The following ATP1A1 variants were observed in gnomAD, a reference collection of about 807,000 sequenced individuals.
The protein encoded by ATP1A1 is sodium/potassium-transporting ATPase subunit alpha-1.
Under a neutral mutation model 114.8 loss-of-function variants are expected in ATP1A1, and 14 were observed. That is an observed-to-expected ratio of 0.12 (90% CI 0.08 to 0.19). ATP1A1 has a LOEUF of 0.19. Ranked by LOEUF, ATP1A1 falls within the 10% of genes least tolerant of loss-of-function variation. ATP1A1 has a pLI of 1.00. For missense variants in ATP1A1, 524 were observed against 1,290.7 expected, an observed-to-expected ratio of 0.41 and a Z score of 9.10; for synonymous variants, 471 against 466.3, an observed-to-expected ratio of 1.01 and a Z score of -0.13.
Position 116,399,636 on chromosome 1 carries a change from A to G in ATP1A1, c.2572+93A>G. On this transcript the variant is annotated intron_variant, in intron 18 of 22. Coordinates refer to ENST00000295598, the MANE Select transcript of ATP1A1 (RefSeq NM_000701.8). The surrounding 1 kb of genome is among the most constrained non-coding windows in gnomAD (Gnocchi z 5.0). ...GTTGAGGTTGATTTCAGAGACTGCA[A>G]ATCCAGGCGACTTTCAGGTCTAGGA... 6.5e-7 allele frequency: 1 copy of G among 1,542,770 alleles called. No individual in the cohort carries two copies. Among genetic ancestry groups the G allele is most frequent in the African/African-American group, 1.4e-5 (1 of 73,226 alleles).
intron 10 of ATP1A1, among the ~76,000 whole-genome samples, chr1:116,391,246 G>A (rs887728048): frequency 2.6e-5 from 4 of 152,240 alleles, no homozygotes; most frequent in Admixed American, 2.0e-4. Context: ...TGGACAGTGA[G>A]AGCTGAGGGC....
chr1:116,395,135 T>C lies in ATP1A1; in HGVS notation c.1686T>C (p.Asp562=). The C allele has an allele frequency of 6.2e-7, 1 of 1,614,056 alleles. No individual in the cohort carries two copies. The highest frequency in any genetic ancestry group is 8.5e-7 in the Non-Finnish European group (1 of 1,179,952). The change falls in exon 13 of 23, where the codon GAT becomes GAC. Residue 562 remains aspartate, a synonymous_variant. Coordinates refer to ENST00000295598, the MANE Select transcript of ATP1A1 (RefSeq NM_000701.8). This position sits in a 1 kb window ranked among gnomAD's most constrained non-coding sequence, Gnocchi z 6.4. ...GTTTCTGCCACCTCTTTCTGCCAGATGAACAGTTTCCTGAAGGGTTCCAGT... is the reference window on the plus strand; with the variant it reads ...GTTTCTGCCACCTCTTTCTGCCAGACGAACAGTTTCCTGAAGGGTTCCAGT... The part of the protein sequence containing the change: ...VLGFCHLFLP[D]EQFPEGFQFD...
In ATP1A1 at chr1:116,395,234, A is replaced by G. The variant is rs1186548777; in HGVS notation, c.1785A>G (p.Pro595=). The part of the protein sequence containing the change: ...FVGLISMIDP[P]RAAVPDAVGK... ...GGCTCATCTCCATGATTGACCCTCCACGGGCGGCCGTTCCTGATGCCGTGG... is the reference window on the plus strand; with the variant it reads ...GGCTCATCTCCATGATTGACCCTCCGCGGGCGGCCGTTCCTGATGCCGTGG... Residue 595 remains proline, a synonymous_variant, in exon 13 of 23, where the codon CCA becomes CCG. Transcript: ENST00000295598. The surrounding 1 kb of genome is among the most constrained non-coding windows in gnomAD (Gnocchi z 6.4). The G allele has an allele frequency of 6.2e-7, 1 of 1,614,174 alleles. No individual in the cohort carries two copies. The highest frequency in any genetic ancestry group is 1.6e-4 in the Middle Eastern group (1 of 6,062).
Position 116,395,900 on chromosome 1 carries a change from C to T in ATP1A1, c.1836+615C>T, listed in dbSNP as rs764294879. Among the ~76,000 whole-genome samples the T allele has an allele frequency of 2.6e-5, 4 of 152,106 alleles. No individual in the cohort carries two copies. The highest frequency in any genetic ancestry group is 2.1e-4 in the South Asian group (1 of 4,826). ...CCAAGTAGCTGGAATTACAGGCACC[C>T]GCTACCACGCCCAGCTAATTTTTGT... is the stretch of plus-strand genomic sequence containing the variant. On this transcript the variant is annotated intron_variant, in intron 13 of 22. Coordinates refer to ENST00000295598, the MANE Select transcript of ATP1A1 (RefSeq NM_000701.8). This position sits in a 1 kb window ranked among gnomAD's most constrained non-coding sequence, Gnocchi z 6.4.
At position 116,395,748 on chromosome 1, in the gene ATP1A1, GATTTT is replaced by G. The variant is rs994497882; in HGVS notation, c.1836+473_1836+477del. ...TTTGGTTTCTGTTTTTTACTCTCAG[GATTTT>G]ATTTTATTTATTTTTTGAGACAGAG... On this transcript the variant is annotated intron_variant, in intron 13 of 22. Transcript: ENST00000295598. This position sits in a 1 kb window ranked among gnomAD's most constrained non-coding sequence, Gnocchi z 6.4. Among the ~76,000 whole-genome samples the G allele has an allele frequency of 7.9e-5, 12 of 151,774 alleles. No homozygotes were observed. The highest frequency in any genetic ancestry group is 2.7e-4 in the African/African-American group (11 of 41,282).
At position 116,388,464 on chromosome 1, in the gene ATP1A1, C is replaced by G; in HGVS notation, c.502-174C>G. 1.0e-6 allele frequency: 1 copy of G among 1,004,056 alleles called. No homozygotes were observed. The highest frequency in any genetic ancestry group is 1.4e-6 in the Non-Finnish European group (1 of 699,338). The allele number at this position is 1,004,056 out of a possible 1,614,324, so 62.2% of individuals were successfully genotyped here. A position where few individuals can be genotyped will look rare whatever the true frequency, so the allele number is the denominator to read the frequency against. On this transcript the variant is annotated intron_variant, in intron 5 of 22. Transcript: ENST00000295598. This position sits in a 1 kb window ranked among gnomAD's most constrained non-coding sequence, Gnocchi z 5.6. ...TGAATACAGGCACACCATGTAACAGCAATATCTCTTAAACTGGCGAGCAAG... is the reference window on the plus strand; with the variant it reads ...TGAATACAGGCACACCATGTAACAGGAATATCTCTTAAACTGGCGAGCAAG...
At position 116,401,115 on chromosome 1, in the gene ATP1A1, T is replaced by C; in HGVS notation, c.2719-15T>C. The C allele has an allele frequency of 6.2e-7, 1 of 1,614,090 alleles. No homozygotes were observed. On this transcript the variant is annotated splice_polypyrimidine_tract_variant and intron_variant, in intron 19 of 22. Transcript: ENST00000295598. The surrounding 1 kb of genome is among the most constrained non-coding windows in gnomAD (Gnocchi z 4.7). The stretch of plus-strand genomic sequence containing the variant: ...GTGAAGAGCCAGAGCTCATCTTCTG[T>C]CTTCTGCATTTCAGACCTATGAGCA...
In ATP1A1 at chr1:116,385,172, AT is replaced by A; in HGVS notation, c.183+333del. The A allele has an allele frequency of 3.5e-6, 1 of 289,214 alleles. No homozygotes were observed. Among genetic ancestry groups the A allele is most frequent in the South Asian group, 3.6e-5 (1 of 27,834 alleles). 17.9% of individuals were successfully genotyped at this position (289,214 alleles called of 1,614,324 possible). On this transcript the variant is annotated intron_variant, in intron 3 of 22. Coordinates refer to ENST00000295598, the MANE Select transcript of ATP1A1 (RefSeq NM_000701.8). This position sits in a 1 kb window ranked among gnomAD's most constrained non-coding sequence, Gnocchi z 4.3. Reference sequence around the variant, plus strand: ...ATAAATTTTCCCTTTATTTTTCTACATTTGTTAAATAGAGTTGAATCTTTCA... The same window carrying A: ...ATAAATTTTCCCTTTATTTTTCTACATTGTTAAATAGAGTTGAATCTTTCA...
chr1:116,373,636 G>A, intron 1 of ATP1A1, 113 bp downstream of exon 1: 1 of 1,199,766 alleles, frequency 8.3e-7, no homozygotes, highest in Non-Finnish European at 1.1e-6. Flanking sequence ...AAGCGGCGCC[G>A]CGTGGAGTGG....
chr1:116,392,942 AC>A lies in ATP1A1; in HGVS notation c.1422del (p.Tyr474Ter). The A allele has an allele frequency of 6.2e-7, 1 of 1,614,158 alleles. No individual in the cohort carries two copies. The highest frequency in any genetic ancestry group is 8.5e-7 in the Non-Finnish European group (1 of 1,180,020). Reference sequence around the variant, plus strand: ...TCCGTGAAGGAGATGAGAGAAAGATACGCCAAAATCGTCGAGATACCCTTCA... The same window carrying A: ...TCCGTGAAGGAGATGAGAGAAAGATAGCCAAAATCGTCGAGATACCCTTCA... Reference protein sequence around the residue: ...CGSVKEMRERYAKIVEIPFNS... With the variant: ...CGSVKEMRERXAKIVEIPFNS... On this transcript the variant is annotated frameshift_variant, in exon 11 of 23. Coordinates refer to ENST00000295598, the MANE Select transcript of ATP1A1 (RefSeq NM_000701.8). LOFTEE classifies it high-confidence loss of function.
intron 1 of ATP1A1, chr1:116,373,856 AG>A: frequency 9.7e-7 from 1 of 1,030,394 alleles, no homozygotes; most frequent in Non-Finnish European, 1.1e-6. Context: ...GGCCGGGAGG[AG>A]GGGGCTTGCA....
At position 116,393,743 on chromosome 1, in the gene ATP1A1, AC is replaced by A. The variant is rs764564269; in HGVS notation, c.1660+21del. 1.9e-6 allele frequency: 3 copies of A among 1,606,508 alleles called. No individual in the cohort carries two copies. The highest frequency in any genetic ancestry group is 2.5e-6 in the Non-Finnish European group (3 of 1,176,536). ...TCCTAGGTATGCAGATAACCTGGTA[AC>A]AGAGTGCCTGGGCACGTTTTTATCC... On this transcript the variant is annotated intron_variant, in intron 12 of 22. Coordinates refer to ENST00000295598, the MANE Select transcript of ATP1A1 (RefSeq NM_000701.8). This position sits in a 1 kb window ranked among gnomAD's most constrained non-coding sequence, Gnocchi z 5.0.
intron 1 of ATP1A1, chr1:116,373,810 CG>C: frequency 2.0e-6 from 2 of 991,274 alleles, no homozygotes; most frequent in African/African-American, 2.7e-5. Flanking sequence ...CCGAGCGGGC[CG>C]GGGGCTCCGA....
At position 116,390,248 on chromosome 1, in the gene ATP1A1, G is replaced by GA; in HGVS notation, c.1064dup (p.Asn355LysfsTer22). ...CACTTACTGCCAAACGCATGGCAAG[G>GA]AAAAACTGCTTAGTGAAGAACTTAG... On this transcript the variant is annotated frameshift_variant, in exon 9 of 23. Transcript: ENST00000295598. LOFTEE classifies it high-confidence loss of function. The GA allele has an allele frequency of 6.2e-7, 1 of 1,614,126 alleles. No individual in the cohort carries two copies. Among genetic ancestry groups the GA allele is most frequent in the Non-Finnish European group, 8.5e-7 (1 of 1,180,042 alleles).
At chr1:116,396,495 C>A in intron 13 of ATP1A1, 103 bp from the exon 14 acceptor site, 1 of 1,423,566 alleles carries the variant, frequency 7.0e-7, no homozygotes, top group South Asian at 1.4e-5. Context: ...TTTTGATAGT[C>A]TAAGCCGAAT....
chr1:116,375,694 T>G (rs1477456346), intron 1 of ATP1A1, among the ~76,000 whole-genome samples: 1 of 152,224 alleles, frequency 6.6e-6, no homozygotes, highest in Non-Finnish European at 1.5e-5. Context: ...TGTGACTTAT[T>G]GTGAGCGTCC....
chr1:116,388,973 C>T lies in ATP1A1; in HGVS notation c.708C>T (p.Pro236=), dbSNP rs763273778. The T allele has an allele frequency of 1.2e-6, 2 of 1,614,180 alleles. No individual in the cohort carries two copies. The highest frequency in any genetic ancestry group is 8.5e-7 in the Non-Finnish European group (1 of 1,180,026). Residue 236 remains proline, a synonymous_variant, in exon 7 of 23, where the codon CCC becomes CCT. Coordinates refer to ENST00000295598, the MANE Select transcript of ATP1A1 (RefSeq NM_000701.8). The surrounding 1 kb of genome is among the most constrained non-coding windows in gnomAD (Gnocchi z 5.6). ...TRSPDFTNEN[P]LETRNIAFFS... is the part of the protein sequence containing the mutation. ...CTCCAGATTTCACAAATGAAAACCC[C>T]CTGGAGACGAGGAACATTGCCTTCT... is the stretch of plus-strand genomic sequence containing the variant.
chr1:116,388,036 A>C lies in ATP1A1; in HGVS notation c.388-95A>C, dbSNP rs893839703. The C allele has an allele frequency of 3.8e-6, 3 of 790,380 alleles. No homozygotes were observed. Among genetic ancestry groups the C allele is most frequent in the Non-Finnish European group, 6.3e-6 (3 of 479,438 alleles). The allele number at this position is 790,380 out of a possible 1,614,324, so 49.0% of individuals were successfully genotyped here. On this transcript the variant is annotated intron_variant, in intron 4 of 22. Transcript: ENST00000295598. The surrounding 1 kb of genome is among the most constrained non-coding windows in gnomAD (Gnocchi z 5.6). ...ATATTTCTGAAATCTTGGTTTCTCTATTAAAAATCTGTTTTTTATTCAGTC... is the reference window on the plus strand; with the variant it reads ...ATATTTCTGAAATCTTGGTTTCTCTCTTAAAAATCTGTTTTTTATTCAGTC...
At chr1:116,386,562 CTTG>C (rs917969191) in intron 3 of ATP1A1, among the ~76,000 whole-genome samples, 5 of 150,912 alleles carry the variant, frequency 3.3e-5, no homozygotes, top group Non-Finnish European at 5.9e-5. Flanking sequence ...TTTTTTTTGA[CTTG>C]TTATTTTGAG....
Sources: gnomAD v4.1 joint callset for allele counts (sites outside exome capture counted in the v4.1 genomes callset) on GRCh38, gnomAD v4.1.1 for gene constraint, Gnocchi (gnomAD v3.1) non-coding constraint, MANE v1.5 for transcripts, NCBI Gene and HGNC (gene_info 2026-07-23, HGNC 2026-07-21) for gene names.